MTAP: variants seen among roughly 807,000 people sequenced by gnomAD.
MTAP encodes the protein S-methyl-5'-thioadenosine phosphorylase.
MTAP carries 33 observed loss-of-function variants against 33.6 expected under a neutral mutation model. The ratio of observed to expected loss-of-function variants is 0.98; its 90% CI spans 0.74 to 1.31. The LOEUF (loss-of-function observed/expected upper bound fraction) is 1.31. MTAP is among the 40% of genes most tolerant of loss of function. The probability of loss-of-function intolerance (pLI) is 0.00; values close to 1 mark genes in which losing one functional copy is unlikely to be tolerated. For missense variants in MTAP, 367 were observed against 360.0 expected, an observed-to-expected ratio of 1.02 and a Z score of -0.16; for synonymous variants, 148 against 125.7, an observed-to-expected ratio of 1.18 and a Z score of -1.19.
intron 4 of MTAP, among the ~76,000 whole-genome samples, chr9:21,820,461 G>C (rs912562143): frequency 7.9e-5 from 12 of 152,102 alleles, no homozygotes; most frequent in African/African-American, 2.9e-4. Flanking sequence ...GTAGATGTGT[G>C]GTATTATTTC....
downstream of MTAP, chr9:21,933,093 C>T (rs940474630): frequency 6.6e-6 from 1 of 152,232 alleles, no homozygotes; most frequent in Admixed American, 6.5e-5. Context: ...AAGGAAAACT[C>T]TCAGAAATTT....
At chr9:21,901,368 A>G (rs1198387601) in intron 1 of MTAP, among the ~76,000 whole-genome samples, 1 of 152,196 alleles carries the variant, frequency 6.6e-6, no homozygotes, top group Non-Finnish European at 1.5e-5. Context: ...ATTCATAACA[A>G]AAACAATTTT....
intron 1 of MTAP, among the ~76,000 whole-genome samples, chr9:21,882,039 A>G (rs779867896): frequency 4.6e-5 from 7 of 151,990 alleles, no homozygotes; most frequent in African/African-American, 7.2e-5. Flanking sequence ...ATATTATTCA[A>G]CCTTAAGAAG....
chr9:21,901,121 C>G (rs977853582), intron 1 of MTAP, among the ~76,000 whole-genome samples: 1 of 152,182 alleles, frequency 6.6e-6, no homozygotes, highest in Non-Finnish European at 1.5e-5. Flanking sequence ...CCATGACATA[C>G]AGTTTACCAT....
intron 4 of MTAP, among the ~76,000 whole-genome samples, chr9:21,832,666 C>A (rs1437725051): frequency 6.6e-6 from 1 of 152,190 alleles, no homozygotes; most frequent in African/African-American, 2.4e-5. Context: ...GAGGTTCATT[C>A]TTACGTTCTG....
intron 1 of MTAP, 156 bp downstream of exon 1, chr9:21,802,937 C>T (rs1180492540): frequency 3.5e-6 from 5 of 1,414,588 alleles, no homozygotes; most frequent in East Asian, 5.3e-5. Flanking sequence ...ACTCACTTGC[C>T]GCGCGAGGAG....
At chr9:21,925,985 T>C (rs943243147) in intron 1 of MTAP, among the ~76,000 whole-genome samples, 1 of 152,220 alleles carries the variant, frequency 6.6e-6, no homozygotes, top group Admixed American at 6.5e-5. Context: ...TCATTCATTT[T>C]TAATGATAGC....
chr9:21,937,885 A>G (rs2131058802), downstream of MTAP, among the ~76,000 whole-genome samples: 1 of 152,262 alleles, frequency 6.6e-6, no homozygotes, highest in Non-Finnish European at 1.5e-5. Context: ...CAGGCCTGTA[A>G]TTCTAGCACT....
Position 21,865,385 on chromosome 9 carries a change from T to G in MTAP, c.*3371T>G, listed in dbSNP as rs536422501. ...TGTGAGTTAATTAAACCTCTTTCCT[T>G]TATAAATTACCCAGTCATGGGCAGT... On this transcript the variant is annotated 3_prime_UTR_variant, in exon 8 of 8. Transcript: ENST00000644715. 1.1e-6 allele frequency: 1 copy of G among 950,214 alleles called. No homozygotes were observed. Among genetic ancestry groups the G allele is most frequent in the Non-Finnish European group, 1.3e-6 (1 of 797,992 alleles). 58.9% of individuals were successfully genotyped at this position (950,214 alleles called of 1,614,324 possible).
intron 1 of MTAP, among the ~76,000 whole-genome samples, chr9:21,895,063 G>C (rs961945599): frequency 2.6e-5 from 4 of 152,150 alleles, no homozygotes; most frequent in East Asian, 1.9e-4. Context: ...CGTGCTCATA[G>C]ATAGGAAGCA....
chr9:21,837,293 A>G (rs1160839637), intron 4 of MTAP, among the ~76,000 whole-genome samples: 1 of 152,222 alleles, frequency 6.6e-6, no homozygotes, highest in African/African-American at 2.4e-5. Context: ...ATGAAAAAAT[A>G]TAGTTGGGGT....
chr9:21,823,536 T>G (rs13297089), intron 4 of MTAP, among the ~76,000 whole-genome samples: 1 of 152,162 alleles, frequency 6.6e-6, no homozygotes, highest in Non-Finnish European at 1.5e-5. Context: ...TCTCTGGCTG[T>G]CCTTAACATT....
rs183462884 is a variant in MTAP at position 21,860,621 on chromosome 9, A to T, written c.813+1196A>T. 4 of 152,372 alleles carry T rather than the reference A, an allele frequency of 2.6e-5. No individual in the cohort carries two copies. In the East Asian group the frequency reaches 7.7e-4, roughly 29 times the overall value. 9.4% of individuals were successfully genotyped at this position (152,372 alleles called of 1,614,324 possible). On this transcript the variant is annotated intron_variant, in intron 7 of 7. Coordinates refer to ENST00000644715, the MANE Select transcript of MTAP (RefSeq NM_002451.4). ...TATTATTAGAATTAAAAGGGAAAAAATACATTTGAGTGCAGTCAAATGGCA... is the reference window on the plus strand; with the variant it reads ...TATTATTAGAATTAAAAGGGAAAAATTACATTTGAGTGCAGTCAAATGGCA...
intron 1 of MTAP, among the ~76,000 whole-genome samples, chr9:21,904,025 TCAGCAGATGGGGGAG>T (rs1587286807): frequency 6.6e-6 from 1 of 152,318 alleles, no homozygotes; most frequent in East Asian, 1.9e-4. Context: ...GAAGTAGCTC[TCAGCAGATGGGGGAG>T]CCAGAAAGGA....
chr9:21,830,282 C>T (rs898288028), intron 4 of MTAP, among the ~76,000 whole-genome samples: 3 of 152,264 alleles, frequency 2.0e-5, no homozygotes, highest in South Asian at 2.1e-4. Flanking sequence ...GCCCTGGGCT[C>T]TGTGTGTAGT....
chr9:21,905,295 T>A (rs1461645745), intron 1 of MTAP, among the ~76,000 whole-genome samples: 1 of 152,092 alleles, frequency 6.6e-6, no homozygotes, highest in East Asian at 1.9e-4. Flanking sequence ...ATGGAGTGTC[T>A]TAGCGTCCAG....
At chr9:21,837,520 G>A (rs1825140248) in intron 4 of MTAP, among the ~76,000 whole-genome samples, 2 of 152,182 alleles carry the variant, frequency 1.3e-5, no homozygotes, top group African/African-American at 4.8e-5. Context: ...TTGAATCTGG[G>A]TGATGTGTAT....
rs1232333647 is a variant in MTAP at position 21,837,899 on chromosome 9, A to C, written c.348-9A>C. On this transcript the variant is annotated splice_polypyrimidine_tract_variant and intron_variant, in intron 4 of 7. Transcript: ENST00000644715. The stretch of plus-strand genomic sequence containing the variant: ...AACAAACAAAAACCTTTTTTGCTTT[A>C]TTTTGTAGGACCACTATGAGACCTC... 3 of 1,605,928 alleles carry C rather than the reference A, an allele frequency of 1.9e-6. No individual in the cohort carries two copies. The African/African-American group carries it at 4.0e-5, about 22-fold the overall frequency.
At chr9:21,805,036 C>T (rs1039459846) in intron 1 of MTAP, among the ~76,000 whole-genome samples, 1 of 152,204 alleles carries the variant, frequency 6.6e-6, no homozygotes, top group Non-Finnish European at 1.5e-5. Context: ...CTGCACACCA[C>T]CCAGGTATAG....
Sources: gnomAD v4.1 joint callset for allele counts (sites outside exome capture counted in the v4.1 genomes callset) on GRCh38, gnomAD v4.1.1 for gene constraint, MANE v1.5 for transcripts, NCBI Gene and HGNC (gene_info 2026-07-23, HGNC 2026-07-21) for gene names.